Variants in CFAP92 observed in about 807,000 individuals in gnomAD.
CFAP92 encodes the protein uncharacterized protein CFAP92.
A neutral mutation model predicts 106.3 loss-of-function variants in CFAP92; 86 were observed. The observed-to-expected ratio is 0.81, with a 90% CI of 0.68 to 0.97. The LOEUF is 0.97. Among genes scored for constraint, CFAP92 ranks in the 50% least tolerant of loss-of-function variants. The pLI, the probability that CFAP92 is intolerant of heterozygous loss-of-function variation, is 0.00. For synonymous variants in CFAP92, 477 were observed against 506.4 expected (o/e 0.94, Z 0.78); for missense variants, 1,204 against 1,283.8 (o/e 0.94, Z 0.95).
chr3:128,988,652 G>T, intron 3 of CFAP92, 76 bp downstream of exon 3: 1 of 1,436,864 alleles, frequency 7.0e-7, no homozygotes, highest in Non-Finnish European at 9.6e-7. Context: ...AGCTGATGTT[G>T]CATATCCATG....
chr3:129,021,046 G>A, the CFAP92 span, among the ~76,000 whole-genome samples: 34 of 152,268 alleles, frequency 2.2e-4, no homozygotes, highest in Middle Eastern at 3.4e-3. Flanking sequence ...CTGGAAATTC[G>A]TGGGGAGGAG....
chr3:129,008,201 C>A, the CFAP92 span, among the ~76,000 whole-genome samples: 4 of 152,242 alleles, frequency 2.6e-5, no homozygotes, highest in Non-Finnish European at 5.9e-5. Context: ...GGGAACAAAA[C>A]CCCAAGACCA....
At chr3:128,947,302 T>C (rs1192690062) in intron 9 of CFAP92, among the ~76,000 whole-genome samples, 1 of 152,120 alleles carries the variant, frequency 6.6e-6, no homozygotes, top group African/African-American at 2.4e-5. Flanking sequence ...ATAGCAAAGA[T>C]GTCAACTCTC....
At chr3:128,956,653 G>A (rs1941446493) in intron 9 of CFAP92, among the ~76,000 whole-genome samples, 1 of 151,974 alleles carries the variant, frequency 6.6e-6, no homozygotes, top group African/African-American at 2.4e-5. Flanking sequence ...GTAGTGGTAA[G>A]AAGAAAGTGG....
intron 11 of CFAP92, 90 bp from the exon 12 acceptor site, chr3:128,933,087 C>G: frequency 8.1e-7 from 1 of 1,233,418 alleles, no homozygotes; most frequent in Non-Finnish European, 1.1e-6. Context: ...AATGAACACT[C>G]AGAGGCTGCT....
At chr3:128,972,334 T>C (rs1370486306) in intron 7 of CFAP92, among the ~76,000 whole-genome samples, 2 of 151,902 alleles carry the variant, frequency 1.3e-5, no homozygotes, top group Admixed American at 1.3e-4. Flanking sequence ...CTCTGCCTCC[T>C]GGGTTCAAGT....
At chr3:128,962,042 C>A (rs892689733) in intron 9 of CFAP92, among the ~76,000 whole-genome samples, 1 of 152,220 alleles carries the variant, frequency 6.6e-6, no homozygotes, top group South Asian at 2.1e-4. Context: ...TCCTCCTAAG[C>A]CGTGTCCCAT....
At chr3:129,008,215 G>A in the CFAP92 span, among the ~76,000 whole-genome samples, 1 of 152,234 alleles carries the variant, frequency 6.6e-6, no homozygotes, top group African/African-American at 2.4e-5. Flanking sequence ...AAGACCAATA[G>A]GTGGAATATT....
Position 128,916,111 on chromosome 3 carries a change from G to A in CFAP92, c.2912C>T (p.Ala971Val). 8.1e-7 allele frequency: 1 copy of A among 1,232,234 alleles called. No homozygotes were observed. Among genetic ancestry groups the A allele is most frequent in the Admixed American group, 4.2e-5 (1 of 23,720 alleles). 76.3% of individuals were successfully genotyped at this position (1,232,234 alleles called of 1,614,324 possible). ...CATCCTGTCTGGGTCTCTCACCTTGGCTATCTCTTGATACAGCTCCTTCTT... is the reference window on the plus strand; with the variant it reads ...CATCCTGTCTGGGTCTCTCACCTTGACTATCTCTTGATACAGCTCCTTCTT... Reference protein sequence around the residue: ...LAKKELYQEIAKEPRKRFTYS... With the variant: ...LAKKELYQEIVKEPRKRFTYS... Residue 971 changes from alanine (A) to valine (V), a missense_variant, in exon 13 of 16, where the codon GCC (alanine) becomes GTC (valine). Ala to Val is a moderately conservative substitution (Grantham distance 64). Coordinates refer to ENST00000645291, the MANE Select transcript of CFAP92 (RefSeq NM_001394090.1).
the CFAP92 span, among the ~76,000 whole-genome samples, chr3:129,026,234 G>C: frequency 1.3e-5 from 2 of 152,248 alleles, no homozygotes; most frequent in African/African-American, 4.8e-5. Flanking sequence ...GTGCTAGGAG[G>C]TGGAGTGTGG....
At position 128,975,919 on chromosome 3, in the gene CFAP92, A is replaced by G. The variant is rs1413030339; in HGVS notation, c.897-16T>C. 6.3e-7 allele frequency: 1 copy of G among 1,591,562 alleles called. No homozygotes were observed. Among genetic ancestry groups the G allele is most frequent in the African/African-American group, 1.4e-5 (1 of 74,058 alleles). ...AACACTCCATCTAGAAAATTCACAA[A>G]GAGAAAAATTAATGAAGGTGAAAAA... On this transcript the variant is annotated splice_polypyrimidine_tract_variant and intron_variant, in intron 6 of 15. Transcript: ENST00000645291.
chr3:128,985,269 G>A (rs935962378), intron 4 of CFAP92, among the ~76,000 whole-genome samples: 2 of 151,992 alleles, frequency 1.3e-5, no homozygotes, highest in Non-Finnish European at 2.9e-5. Context: ...GACCAGCTTG[G>A]GTAACACAGT....
intron 1 of CFAP92, among the ~76,000 whole-genome samples, chr3:128,999,831 C>T (rs1427018319): frequency 6.6e-6 from 1 of 152,162 alleles, no homozygotes; most frequent in Non-Finnish European, 1.5e-5. Flanking sequence ...GCGTGAGCCA[C>T]CGCGACCGGC....
chr3:128,961,998 A>G (rs936094735), intron 9 of CFAP92, among the ~76,000 whole-genome samples: 2 of 152,198 alleles, frequency 1.3e-5, no homozygotes, highest in African/African-American at 4.8e-5. Context: ...CAGAAATCTG[A>G]CCACCAGGCC....
chr3:129,017,420 G>T, the CFAP92 span, among the ~76,000 whole-genome samples: 1 of 152,360 alleles, frequency 6.6e-6, no homozygotes, highest in African/African-American at 2.4e-5. Context: ...AAGTCCAGGC[G>T]GGCGTGGCGG....
rs1188206578 is a variant in CFAP92 at position 128,963,048 on chromosome 3, C to G, written c.1353+2463G>C. 2.0e-5 allele frequency among the ~76,000 whole-genome samples: 3 copies of G among 152,326 alleles called. No homozygotes were observed. The East Asian group carries it at 5.8e-4, about 29-fold the overall frequency. On this transcript the variant is annotated intron_variant, in intron 9 of 15. Coordinates refer to ENST00000645291, the MANE Select transcript of CFAP92 (RefSeq NM_001394090.1). ...ACACCCATTAGGCTCAGCAAATTACCTGGGCTGTACTGCCGCAAGGCTTCA... is the reference window on the plus strand; with the variant it reads ...ACACCCATTAGGCTCAGCAAATTACGTGGGCTGTACTGCCGCAAGGCTTCA...
chr3:128,920,984 T>C (rs62265273), intron 12 of CFAP92, among the ~76,000 whole-genome samples: 7,264 of 152,272 alleles, frequency 0.048, 357 homozygotes, highest in African/African-American at 0.12. Flanking sequence ...GATCATGCAC[T>C]TGATACACTG....
intron 4 of CFAP92, among the ~76,000 whole-genome samples, chr3:128,979,971 T>C (rs1403801115): frequency 3.6e-5 from 4 of 109,646 alleles, no homozygotes; most frequent in African/African-American, 1.4e-4. Flanking sequence ...TATATATATA[T>C]AAAAGAAAAA....
chr3:128,927,570 CA>C (rs1334206071), intron 12 of CFAP92, among the ~76,000 whole-genome samples: 2 of 150,818 alleles, frequency 1.3e-5, no homozygotes, highest in Admixed American at 1.3e-4. Context: ...AAATACAAAA[CA>C]AAATTAGCTG....
Sources: allele counts gnomAD v4.1 joint callset (sites outside exome capture counted in the v4.1 genomes callset), GRCh38; gene constraint gnomAD v4.1.1; transcripts MANE v1.5; gene names NCBI Gene and HGNC (gene_info 2026-07-23, HGNC 2026-07-21).